Variants in PCDHA11 observed in about 807,000 individuals in gnomAD.
PCDHA11 encodes protocadherin alpha-11.
A neutral mutation model predicts 70.3 loss-of-function variants in PCDHA11; 61 were observed. The observed-to-expected ratio is 0.87, with a 90% CI of 0.71 to 1.07. The LOEUF (loss-of-function observed/expected upper bound fraction) is 1.07. Ranked by LOEUF, PCDHA11 falls within the 50% of genes least tolerant of loss-of-function variation. The probability of loss-of-function intolerance (pLI) is 0.00; values close to 1 mark genes in which losing one functional copy is unlikely to be tolerated. For missense variants in PCDHA11, 1,324 were observed against 1,237.5 expected (o/e 1.07, Z -1.05); for synonymous variants, 633 against 555.1 (o/e 1.14, Z -1.97).
chr5:140,939,758 T>G (rs2092452335), intron 1 of PCDHA11, among the ~76,000 whole-genome samples: 1 of 152,234 alleles, frequency 6.6e-6, no homozygotes, highest in Non-Finnish European at 1.5e-5. Context: ...TGTCATTATA[T>G]AGTATTTCAG....
intron 3 of PCDHA11, among the ~76,000 whole-genome samples, chr5:141,003,897 T>G (rs1554259369): frequency 6.6e-6 from 1 of 152,132 alleles, no homozygotes; most frequent in Non-Finnish European, 1.5e-5. Flanking sequence ...ACAGGCCCAT[T>G]CATTTGGGTC....
intron 1 of PCDHA11, among the ~76,000 whole-genome samples, chr5:140,942,869 T>C (rs971576222): frequency 6.6e-6 from 1 of 152,088 alleles, no homozygotes; most frequent in African/African-American, 2.4e-5. Context: ...TGCTTTAGCA[T>C]GACAACTTTT....
chr5:140,965,708 A>T (rs2095927788), intron 1 of PCDHA11, among the ~76,000 whole-genome samples: 1 of 152,244 alleles, frequency 6.6e-6, no homozygotes, highest in African/African-American at 2.4e-5. Context: ...AGCTTGAGAG[A>T]AGAATCTCTT....
intron 1 of PCDHA11, among the ~76,000 whole-genome samples, chr5:140,885,485 TTC>T (rs1412041657): frequency 1.3e-5 from 2 of 152,188 alleles, no homozygotes; most frequent in Admixed American, 6.5e-5. Context: ...GTGTCAAGTG[TTC>T]TGTTATCTTC....
In PCDHA11 at chr5:140,876,309, T is replaced by G. The variant is rs868927753; in HGVS notation, c.2391+4815T>G. On this transcript the variant is annotated intron_variant, in intron 1 of 3. Transcript: ENST00000398640. ...AAGGACTTAATGGAGAAATTTCCTATGGGATCAAAATGATTTTGCCAGTGA... is the reference window on the plus strand; with the variant it reads ...AAGGACTTAATGGAGAAATTTCCTAGGGGATCAAAATGATTTTGCCAGTGA... The G allele has an allele frequency of 6.2e-6, 10 of 1,614,064 alleles. No homozygotes were observed. The Admixed American group carries it at 1.7e-4, about 27-fold the overall frequency.
At chr5:140,884,104 G>A in intron 1 of PCDHA11, 3 of 1,613,464 alleles carry the variant, frequency 1.9e-6, no homozygotes, top group African/African-American at 1.3e-5. Flanking sequence ...ATGAATTGCA[G>A]CTGGCGGCGG....
chr5:140,950,723 A>AT (rs1196047674), intron 1 of PCDHA11, among the ~76,000 whole-genome samples: 72 of 152,102 alleles, frequency 4.7e-4, no homozygotes, highest in African/African-American at 1.6e-3. Flanking sequence ...ATATCCTTAA[A>AT]TTTTTTAATC....
Position 140,869,161 on chromosome 5 carries a change from C to T in PCDHA11, c.58C>T (p.Leu20Phe). ...GTPRLQLWLLLLEFWEVGSGQ... is the reference protein window; with the variant it reads ...GTPRLQLWLLFLEFWEVGSGQ... ...CCCACGACTACAGCTCTGGCTTCTC[C>T]TCCTCGAATTCTGGGAGGTGGGGAG... Residue 20 changes from leucine to phenylalanine, a missense_variant, in exon 1 of 4, where the codon CTC becomes TTC. By Grantham distance (22) the Leu-to-Phe change is conservative. Coordinates refer to ENST00000398640, the MANE Select transcript of PCDHA11 (RefSeq NM_018902.5). 1 of 1,613,852 alleles carries T rather than the reference C, an allele frequency of 6.2e-7. No individual in the cohort carries two copies. The highest frequency in any genetic ancestry group is 1.1e-5 in the South Asian group (1 of 91,056).
intron 1 of PCDHA11, among the ~76,000 whole-genome samples, chr5:140,905,926 A>G (rs1040903041): frequency 6.6e-6 from 1 of 152,318 alleles, no homozygotes; most frequent in East Asian, 1.9e-4. Flanking sequence ...TCTGAGTCCC[A>G]AAGCTGAAGA....
chr5:140,950,685 A>T (rs947460709), intron 1 of PCDHA11, among the ~76,000 whole-genome samples: 3 of 152,082 alleles, frequency 2.0e-5, no homozygotes, highest in Non-Finnish European at 4.4e-5. Context: ...GTATATTGTT[A>T]ACCAAATTTG....
At chr5:140,968,263 G>A (rs782272055) in intron 1 of PCDHA11, 20 of 1,613,978 alleles carry the variant, frequency 1.2e-5, no homozygotes, top group Middle Eastern at 3.3e-4. Flanking sequence ...CAGATGAAAA[G>A]GAGAATGCAG....
chr5:140,941,256 T>TTTC (rs2092982969), intron 1 of PCDHA11, among the ~76,000 whole-genome samples: 1 of 45,974 alleles, frequency 2.2e-5, no homozygotes, highest in African/African-American at 7.5e-5. Flanking sequence ...TCTTTCTTTC[T>TTTC]CTTTCTTTCT....
chr5:140,992,270 G>A (rs115480506), intron 3 of PCDHA11, among the ~76,000 whole-genome samples: 186 of 152,264 alleles, frequency 1.2e-3, no homozygotes, highest in African/African-American at 4.1e-3. Flanking sequence ...AGTTCTTTTC[G>A]TAGCACATCC....
At position 140,876,683 on chromosome 5, in the gene PCDHA11, A is replaced by G. The variant is rs782371303; in HGVS notation, c.2391+5189A>G. ...AAGCTGGTGTCCACCTACAAGAATT[A>G]CTACTCGTTGGTGCTGGACAGCGCC... On this transcript the variant is annotated intron_variant, in intron 1 of 3. Coordinates refer to ENST00000398640, the MANE Select transcript of PCDHA11 (RefSeq NM_018902.5). 5 of 1,614,094 alleles carry G rather than the reference A, an allele frequency of 3.1e-6. No homozygotes were observed. In the South Asian group the frequency reaches 5.5e-5, roughly 18 times the overall value.
At chr5:140,896,583 G>A (rs557774521) in intron 1 of PCDHA11, among the ~76,000 whole-genome samples, 1 of 151,770 alleles carries the variant, frequency 6.6e-6, no homozygotes, top group South Asian at 2.1e-4. Context: ...TGACGTGTTG[G>A]CCAGGCTGGT....
chr5:140,993,449 C>T (rs2097557237), intron 3 of PCDHA11, among the ~76,000 whole-genome samples: 1 of 144,318 alleles, frequency 6.9e-6, no homozygotes, highest in Non-Finnish European at 1.5e-5. Context: ...TTCCTGTTCT[C>T]CTTCTTTCTT....
At position 140,951,793 on chromosome 5, in the gene PCDHA11, C is replaced by T. The variant is rs536005204; in HGVS notation, c.2392-27156C>T. 5.3e-5 allele frequency among the ~76,000 whole-genome samples: 8 copies of T among 152,244 alleles called. No homozygotes were observed. The South Asian group carries it at 1.7e-3, about 32-fold the overall frequency. On this transcript the variant is annotated intron_variant, in intron 1 of 3. Coordinates refer to ENST00000398640, the MANE Select transcript of PCDHA11 (RefSeq NM_018902.5). ...TTCTTACATTGCAAAATACAATTAT[C>T]CCTTCCCAATGGTCCCTCAAAGTCT...
chr5:140,928,399 T>C (rs1554205848), intron 1 of PCDHA11: 1 of 1,613,926 alleles, frequency 6.2e-7, no homozygotes, highest in African/African-American at 1.3e-5. Flanking sequence ...AGTGGAATCA[T>C]CCAGTGGGGC....
At chr5:140,993,569 A>G (rs1311165766) in intron 3 of PCDHA11, among the ~76,000 whole-genome samples, 1 of 151,734 alleles carries the variant, frequency 6.6e-6, no homozygotes, top group East Asian at 1.9e-4. Flanking sequence ...TATCCTTTCT[A>G]GGGATGCTTT....
Sources: gnomAD v4.1 joint callset for allele counts (sites outside exome capture counted in the v4.1 genomes callset) on GRCh38, gnomAD v4.1.1 for gene constraint, MANE v1.5 for transcripts, NCBI Gene and HGNC (gene_info 2026-07-23, HGNC 2026-07-21) for gene names.